The following HMCN2 variants were observed in gnomAD, a reference collection of about 807,000 sequenced individuals.
HMCN2 encodes hemicentin 2.
A neutral mutation model predicts 377.5 loss-of-function variants in HMCN2; 325 were observed. The ratio of observed to expected loss-of-function variants is 0.86; its 90% CI spans 0.79 to 0.94. HMCN2 has a LOEUF of 0.94. Ranked by LOEUF, HMCN2 falls within the 40% of genes least tolerant of loss-of-function variation. The pLI is 0.00. For missense variants in HMCN2, 4,543 were observed against 4,725.3 expected, an observed-to-expected ratio of 0.96 and a Z score of 1.13; for synonymous variants, 2,007 against 2,046.8, an observed-to-expected ratio of 0.98 and a Z score of 0.53.
rs571926691 is a variant in HMCN2 at position 130,308,436 on chromosome 9, G to C, written c.2200+870G>C. Among the ~76,000 whole-genome samples the C allele has an allele frequency of 1.6e-4, 24 of 152,298 alleles. No homozygotes were observed. The East Asian group carries it at 4.4e-3, about 28-fold the overall frequency. On this transcript the variant is annotated intron_variant, in intron 14 of 97. Transcript: ENST00000683500. This position sits in a 1 kb window ranked among gnomAD's most constrained non-coding sequence, Gnocchi z 4.1. Reference sequence around the variant, plus strand: ...GCCTGCTGCCAGGCTGGAGTTTGACGGACGGGTGCTGGGGTCGCACTAGGT... The same window carrying C: ...GCCTGCTGCCAGGCTGGAGTTTGACCGACGGGTGCTGGGGTCGCACTAGGT...
At chr9:130,384,891 C>A in intron 59 of HMCN2, 93 bp downstream of exon 59, 1 of 834,410 alleles carries the variant, frequency 1.2e-6, no homozygotes, top group Non-Finnish European at 1.7e-6. Context: ...CAGGAGAGGG[C>A]CAGGAGGCAC....
At chr9:130,300,639 G>A (rs1175265792) in intron 8 of HMCN2, among the ~76,000 whole-genome samples, 2 of 152,260 alleles carry the variant, frequency 1.3e-5, no homozygotes, top group African/African-American at 2.4e-5. Flanking sequence ...CACTCAGAAT[G>A]TATCCATTTG....
intron 15 of HMCN2, among the ~76,000 whole-genome samples, chr9:130,311,574 G>T (rs1837243298): frequency 6.6e-6 from 1 of 152,170 alleles, no homozygotes. Flanking sequence ...TGGCTGGAAG[G>T]TGCATCCTCA....
intron 77 of HMCN2, 75 bp from the exon 78 acceptor site, chr9:130,402,714 G>A: frequency 2.2e-6 from 2 of 895,198 alleles, no homozygotes; most frequent in Non-Finnish European, 3.1e-6. Flanking sequence ...ACAGAGTGGG[G>A]TTGTGTAGGA....
At chr9:130,317,467 A>C (rs1227962175) in intron 15 of HMCN2, among the ~76,000 whole-genome samples, 80 of 123,444 alleles carry the variant, frequency 6.5e-4, no homozygotes, top group Middle Eastern at 4.9e-3. Flanking sequence ...AGACCCCACC[A>C]TCTCTCTCTC....
chr9:130,402,907 G>A lies in HMCN2; in HGVS notation c.11878+11G>A, dbSNP rs951337723. On this transcript the variant is annotated intron_variant, in intron 78 of 97. Transcript: ENST00000683500. ...TCCTCACTGTGCAAGGTAAGGGTCCGTGGTCCAGACCCCAGAGTTCCTAGG... is the reference window on the plus strand; with the variant it reads ...TCCTCACTGTGCAAGGTAAGGGTCCATGGTCCAGACCCCAGAGTTCCTAGG... 10 of 1,288,302 alleles carry A rather than the reference G, an allele frequency of 7.8e-6. No homozygotes were observed. The highest frequency in any genetic ancestry group is 4.9e-5 in the South Asian group (4 of 80,970). 79.8% of individuals were successfully genotyped at this position (1,288,302 alleles called of 1,614,324 possible). A position where few individuals can be genotyped will look rare whatever the true frequency, so the allele number is the denominator to read the frequency against.
chr9:130,389,558 G>C (rs1017371701), intron 62 of HMCN2, among the ~76,000 whole-genome samples: 2 of 150,902 alleles, frequency 1.3e-5, no homozygotes, highest in African/African-American at 4.9e-5. Context: ...CCGTGTTGTA[G>C]CATGGATCAG....
At chr9:130,295,150 A>G (rs1471536638) in intron 5 of HMCN2, 124 bp downstream of exon 5, 2 of 292,010 alleles carry the variant, frequency 6.8e-6, no homozygotes, top group Non-Finnish European at 1.4e-5. Context: ...GAATAGGGAA[A>G]TATGGGGTGG....
chr9:130,379,419 A>G lies in HMCN2; in HGVS notation c.8383A>G (p.Arg2795Gly), dbSNP rs1841577572. Residue 2795 changes from arginine to glycine, a missense_variant, in exon 54 of 98, where the codon AGA becomes GGA. Physicochemically the swap from Arg to Gly is moderately radical, Grantham distance 125. Transcript: ENST00000683500. ...AIPPPDLTWY[R>G]EDQPLSAGDE... is the part of the protein sequence containing the mutation. ...CCCACCCCCGGACCTCACCTGGTAC[A>G]GAGAGGATCAGCCCCTCTCGGCCGG... 2.0e-6 allele frequency: 2 copies of G among 985,782 alleles called. No individual in the cohort carries two copies. Among genetic ancestry groups the G allele is most frequent in the Non-Finnish European group, 2.4e-6 (2 of 829,968 alleles). The allele number at this position is 985,782 out of a possible 1,614,324, so 61.1% of individuals were successfully genotyped here. A position where few individuals can be genotyped will look rare whatever the true frequency, so the allele number is the denominator to read the frequency against.
intron 4 of HMCN2, among the ~76,000 whole-genome samples, chr9:130,291,575 C>G (rs1032344443): frequency 6.6e-6 from 1 of 152,172 alleles, no homozygotes; most frequent in Non-Finnish European, 1.5e-5. Context: ...TTCCAAGATG[C>G]AGAAAAGTAA....
In HMCN2 at chr9:130,351,819, G is replaced by T. The variant is rs113413374; in HGVS notation, c.4585+242G>T. ...CCAGCTCTAAAAATTTACTACTTAT[G>T]TTTTTTTTTTGAGATGAATTCTCTC... On this transcript the variant is annotated intron_variant, in intron 30 of 97. Coordinates refer to ENST00000683500, the MANE Select transcript of HMCN2 (RefSeq NM_001291815.2). The surrounding 1 kb of genome is among the most constrained non-coding windows in gnomAD (Gnocchi z 5.4). Among the ~76,000 whole-genome samples, 40,687 of 149,602 alleles carry T rather than the reference G, an allele frequency of 0.27. 5,808 individuals carry two copies. The highest frequency in any genetic ancestry group is 0.41 in the East Asian group (2,096 of 5,096).
At chr9:130,355,614 G>A (rs1839984455) in intron 32 of HMCN2, 132 bp from the exon 33 acceptor site, 1 of 475,788 alleles carries the variant, frequency 2.1e-6, no homozygotes, top group Non-Finnish European at 4.0e-6. Context: ...CCTCCTGGAG[G>A]AAGGGCCACT....
At chr9:130,284,838 C>T (rs1554927027) in intron 2 of HMCN2, among the ~76,000 whole-genome samples, 165 bp downstream of exon 2, 1 of 152,154 alleles carries the variant, frequency 6.6e-6, no homozygotes, top group African/African-American at 2.4e-5. Flanking sequence ...CTCCCATGGC[C>T]CCCTCCATCC....
rs80186779 is a variant in HMCN2 at position 130,290,086 on chromosome 9, G to C, written c.612+3776G>C. ...ATGGGTGACAGAGATGAGCCCCAGT[G>C]CATCGCAGGCTCGCTGGTCCCCCAG... On this transcript the variant is annotated intron_variant, in intron 4 of 97. Transcript: ENST00000683500. Among the ~76,000 whole-genome samples, 1,485 of 152,324 alleles carry C rather than the reference G, an allele frequency of 9.7e-3. 26 individuals are homozygous for C. The highest frequency in any genetic ancestry group is 0.034 in the African/African-American group (1,427 of 41,574).
intron 28 of HMCN2, 98 bp downstream of exon 28, chr9:130,349,229 G>GC: frequency 8.5e-7 from 1 of 1,176,332 alleles, no homozygotes; most frequent in Non-Finnish European, 1.1e-6. Context: ...TTTGCCTGCG[G>GC]AGAGCAGGGG....
At position 130,394,993 on chromosome 9, in the gene HMCN2, C is replaced by T. The variant is rs981079698; in HGVS notation, c.10693-34C>T. 1.6e-6 allele frequency: 2 copies of T among 1,240,604 alleles called. No individual in the cohort carries two copies. The highest frequency in any genetic ancestry group is 1.3e-5 in the South Asian group (1 of 78,472). 76.8% of individuals were successfully genotyped at this position (1,240,604 alleles called of 1,614,324 possible). A position where few individuals can be genotyped will look rare whatever the true frequency, so the allele number is the denominator to read the frequency against. ...AGATTGGGAGGCGGGCAGAGAGGGGCCAGGGGCAGCTGCTCAACCCGCTCC... is the reference window on the plus strand; with the variant it reads ...AGATTGGGAGGCGGGCAGAGAGGGGTCAGGGGCAGCTGCTCAACCCGCTCC... On this transcript the variant is annotated intron_variant, in intron 69 of 97. Coordinates refer to ENST00000683500, the MANE Select transcript of HMCN2 (RefSeq NM_001291815.2). The surrounding 1 kb of genome is among the most constrained non-coding windows in gnomAD (Gnocchi z 5.1).
Position 130,418,774 on chromosome 9 carries a change from G to C in HMCN2, c.12964G>C (p.Ala4322Pro). ...KKVVILVLQS[A>P]PVFQVEPQDM... ...AAAGCCACCTGGGCCTCCCACAGGT[G>C]CTCCGGTGTTCCAGGTGGAGCCCCA... The change falls in exon 86 of 98, where the codon GCT (alanine) becomes CCT (proline). Residue 4322 changes from alanine (A) to proline (P), a missense_variant and splice_region_variant. Around this residue, in one of 5 missense-constraint regions of HMCN2, gnomAD observed 1,155 missense variants for 1,157.7 expected, o/e 1.00. Coordinates refer to ENST00000683500, the MANE Select transcript of HMCN2 (RefSeq NM_001291815.2). 7.0e-7 allele frequency: 1 copy of C among 1,430,146 alleles called. No homozygotes were observed. The highest frequency in any genetic ancestry group is 9.2e-7 in the Non-Finnish European group (1 of 1,083,556). The allele number at this position is 1,430,146 out of a possible 1,614,324, so 88.6% of individuals were successfully genotyped here.
In HMCN2 at chr9:130,351,848, G is replaced by C. The variant is rs1839739875; in HGVS notation, c.4585+271G>C. Among the ~76,000 whole-genome samples, 1 of 150,778 alleles carries C rather than the reference G, an allele frequency of 6.6e-6. No homozygotes were observed. The highest frequency in any genetic ancestry group is 6.6e-5 in the Admixed American group (1 of 15,142). Reference sequence around the variant, plus strand: ...TTTTTTTGAGATGAATTCTCTCTCTGTTGCCTAGGCTGGAGCGCAGTGGCA... The same window carrying C: ...TTTTTTTGAGATGAATTCTCTCTCTCTTGCCTAGGCTGGAGCGCAGTGGCA... On this transcript the variant is annotated intron_variant, in intron 30 of 97. Coordinates refer to ENST00000683500, the MANE Select transcript of HMCN2 (RefSeq NM_001291815.2). The surrounding 1 kb of genome is among the most constrained non-coding windows in gnomAD (Gnocchi z 5.4).
chr9:130,409,911 GCC>G (rs1181871824), intron 84 of HMCN2, among the ~76,000 whole-genome samples: 2 of 152,182 alleles, frequency 1.3e-5, no homozygotes, highest in African/African-American at 4.8e-5. Context: ...GCCTCAGGCT[GCC>G]CCAGGCCCAT....
Sources: gnomAD v4.1 joint callset for allele counts (sites outside exome capture counted in the v4.1 genomes callset) on GRCh38, gnomAD v4.1.1 for gene constraint, gnomAD v4.1.1 regional missense constraint, Gnocchi (gnomAD v3.1) non-coding constraint, MANE v1.5 for transcripts, NCBI Gene and HGNC (gene_info 2026-07-23, HGNC 2026-07-21) for gene names.